Variants in DMD observed in about 807,000 individuals in gnomAD.
DMD encodes the protein mutant dystrophin.
Under a neutral mutation model 330.1 loss-of-function variants are expected in DMD, and 63 were observed. That is an observed-to-expected ratio of 0.19 (90% CI 0.16 to 0.24). The LOEUF is 0.24. DMD is among the 10% of genes least tolerant of loss of function. The probability of loss-of-function intolerance (pLI) is 1.00; values close to 1 mark genes in which losing one functional copy is unlikely to be tolerated. For synonymous variants in DMD, 1,223 were observed against 959.8 expected (o/e 1.27, Z -5.07); for missense variants, 3,344 against 2,684.1 (o/e 1.25, Z -5.43).
At chrX:32,913,312 T>G (rs748763886) in intron 2 of DMD, among the ~76,000 whole-genome samples, 2 of 112,495 alleles carry the variant, frequency 1.8e-5, no homozygotes, top group East Asian at 5.6e-4. Context: ...AAAAGTCATT[T>G]AAAAATTATT....
intron 44 of DMD, among the ~76,000 whole-genome samples, chrX:32,143,812 A>T (rs2096765577): frequency 9.1e-6 from 1 of 109,307 alleles, no homozygotes; most frequent in African/African-American, 3.4e-5. Context: ...GGCCTCCCAA[A>T]GTGCTGGGAT....
At chrX:31,794,085 C>A (rs2091705160) in intron 50 of DMD, among the ~76,000 whole-genome samples, 1 of 111,262 alleles carries the variant, frequency 9.0e-6, no homozygotes, top group African/African-American at 3.3e-5. Context: ...TCTGAGACTA[C>A]AGCACAGTTG....
chrX:32,506,342 A>G (rs1488432719), intron 18 of DMD, among the ~76,000 whole-genome samples: 1 of 108,719 alleles, frequency 9.2e-6, no homozygotes, highest in Non-Finnish European at 1.9e-5. Flanking sequence ...ATTACTCTAA[A>G]AATGGAGTCT....
chrX:32,734,513 C>G (rs2148086466), intron 7 of DMD, among the ~76,000 whole-genome samples: 1 of 106,818 alleles, frequency 9.4e-6, no homozygotes, highest in African/African-American at 3.6e-5. Context: ...CAAAAATCCT[C>G]AATAAAATAC....
intron 1 of DMD, chrX:33,041,526 T>C (rs878856795): frequency 7.5e-6 from 9 of 1,204,854 alleles, no homozygotes; most frequent in African/African-American, 3.5e-5. Flanking sequence ...GAGCTGAAGA[T>C]GGTGAAAATT....
At chrX:32,732,786 C>A (rs1181195726) in intron 7 of DMD, among the ~76,000 whole-genome samples, 1 of 109,869 alleles carries the variant, frequency 9.1e-6, no homozygotes, top group Non-Finnish European at 1.9e-5. Context: ...AAGGAACAAC[C>A]GGTACCAGCC....
At chrX:32,475,450 G>A (rs775386859) in intron 21 of DMD, among the ~76,000 whole-genome samples, 7 of 111,136 alleles carry the variant, frequency 6.3e-5, no homozygotes, top group African/African-American at 1.6e-4. Context: ...TTGGCAGTAT[G>A]GTCATTTTCA....
At chrX:32,440,940 T>G (rs779366612) in intron 28 of DMD, among the ~76,000 whole-genome samples, 2 of 111,275 alleles carry the variant, frequency 1.8e-5, no homozygotes, top group East Asian at 5.7e-4. Context: ...TATGTAGAAC[T>G]TAGTGATATA....
intron 30 of DMD, among the ~76,000 whole-genome samples, chrX:32,406,203 A>G (rs1322088752): frequency 4.5e-5 from 5 of 111,241 alleles, no homozygotes; most frequent in Non-Finnish European, 7.5e-5. Context: ...TGCAAACAGG[A>G]ACAATTTGAC....
At chrX:32,276,657 C>T (rs1009471598) in intron 43 of DMD, among the ~76,000 whole-genome samples, 2 of 111,371 alleles carry the variant, frequency 1.8e-5, no homozygotes, top group African/African-American at 3.3e-5. Context: ...TGGTGGCTCA[C>T]GCCTGTAATC....
intron 43 of DMD, among the ~76,000 whole-genome samples, chrX:32,235,647 CTTGTT>C (rs747357967): frequency 2.7e-5 from 3 of 111,536 alleles, no homozygotes; most frequent in Admixed American, 9.5e-5. Context: ...GGGGGTGTAT[CTTGTT>C]TTATTTTTTC....
intron 11 of DMD, among the ~76,000 whole-genome samples, chrX:32,627,676 T>A: frequency 9.0e-6 from 1 of 110,673 alleles, no homozygotes; most frequent in Non-Finnish European, 1.9e-5. Flanking sequence ...AATTAACTTT[T>A]TAGAGATTAA....
At chrX:31,490,121 A>G (rs1247881336) in intron 57 of DMD, among the ~76,000 whole-genome samples, 2 of 112,339 alleles carry the variant, frequency 1.8e-5, no homozygotes, top group East Asian at 5.6e-4. Context: ...ATGACTGCAT[A>G]GGATATCAAA....
At chrX:31,883,125 A>G (rs1603529732) in intron 47 of DMD, among the ~76,000 whole-genome samples, 1 of 112,312 alleles carries the variant, frequency 8.9e-6, no homozygotes, top group East Asian at 2.8e-4. Context: ...ATAGAATACC[A>G]TACATAGAAA....
intron 7 of DMD, among the ~76,000 whole-genome samples, chrX:32,732,231 G>C (rs781172867): frequency 9.0e-6 from 1 of 111,035 alleles, no homozygotes; most frequent in South Asian, 3.9e-4. Flanking sequence ...AAAAAGAAAT[G>C]AGCAAAGCCT....
chrX:32,355,278 G>C (rs1208122161), intron 37 of DMD, among the ~76,000 whole-genome samples: 1 of 110,930 alleles, frequency 9.0e-6, no homozygotes, highest in Non-Finnish European at 1.9e-5. Flanking sequence ...TATTGAAGTG[G>C]ACAAAGCAAT....
intron 44 of DMD, among the ~76,000 whole-genome samples, chrX:32,163,547 C>T (rs142023830): frequency 2.7e-3 from 303 of 111,758 alleles, no homozygotes; most frequent in African/African-American, 9.2e-3. Flanking sequence ...TCCTTTGTGA[C>T]GCTGGAACTA....
chrX:32,368,193 T>C (rs1295339875), intron 34 of DMD, among the ~76,000 whole-genome samples: 2 of 112,026 alleles, frequency 1.8e-5, no homozygotes, highest in Non-Finnish European at 3.8e-5. Flanking sequence ...CAGTCTGTAC[T>C]GTGCTATTCA....
At chrX:33,016,551 T>C (rs1218805454) in intron 2 of DMD, among the ~76,000 whole-genome samples, 1 of 111,497 alleles carries the variant, frequency 9.0e-6, no homozygotes, top group African/African-American at 3.3e-5. Flanking sequence ...AGGAACACTA[T>C]CATATCATGG....
Sources: allele counts gnomAD v4.1 joint callset (sites outside exome capture counted in the v4.1 genomes callset), GRCh38; gene constraint gnomAD v4.1.1; transcripts MANE v1.5; gene names NCBI Gene and HGNC (gene_info 2026-07-23, HGNC 2026-07-21).